TSPAN5: variants seen among roughly 807,000 people sequenced by gnomAD.
TSPAN5 encodes tetraspanin-5.
TSPAN5 carries 10 observed loss-of-function variants against 37.1 expected under a neutral mutation model. The ratio of observed to expected loss-of-function variants is 0.27; its 90% CI spans 0.17 to 0.46. The LOEUF (loss-of-function observed/expected upper bound fraction) is 0.46, where lower values mean the gene tolerates loss of function less well. Ranked by LOEUF, TSPAN5 falls within the 20% of genes least tolerant of loss-of-function variation. The pLI is 1.00. For missense variants in TSPAN5, 195 were observed against 326.6 expected, an observed-to-expected ratio of 0.60 and a Z score of 3.11; for synonymous variants, 110 against 118.9, an observed-to-expected ratio of 0.93 and a Z score of 0.48.
chr4:98,470,598 C>T lies in TSPAN5; in HGVS notation c.*1924G>A, dbSNP rs1478330982. 1.3e-5 allele frequency: 2 copies of T among 152,158 alleles called. No homozygotes were observed. The highest frequency in any genetic ancestry group is 2.9e-5 in the Non-Finnish European group (2 of 68,036). 9.4% of individuals were successfully genotyped at this position (152,158 alleles called of 1,614,324 possible). The stretch of plus-strand genomic sequence containing the variant: ...GACAAATGATGCCAACTGGAGAGAG[C>T]TCGTGTCTTCTCCATGTTGGAAGGA... On this transcript the variant is annotated 3_prime_UTR_variant, in exon 8 of 8. Coordinates refer to ENST00000305798, the MANE Select transcript of TSPAN5 (RefSeq NM_005723.4).
At chr4:98,549,292 G>GGTTTTTTTTTTTTTTT (rs1560532920) in intron 1 of TSPAN5, among the ~76,000 whole-genome samples, 1 of 147,114 alleles carries the variant, frequency 6.8e-6, no homozygotes. Context: ...TTGTTTGTTT[G>GGTTTTTTTTTTTTTTT]TTTGTTTTTG....
intron 2 of TSPAN5, among the ~76,000 whole-genome samples, chr4:98,492,735 C>T (rs1392064514): frequency 6.6e-6 from 1 of 152,190 alleles, no homozygotes; most frequent in Non-Finnish European, 1.5e-5. Context: ...TTCATGTTAA[C>T]TCACTATGAA....
intron 1 of TSPAN5, among the ~76,000 whole-genome samples, chr4:98,645,052 T>C (rs540041753): frequency 2.0e-4 from 30 of 152,352 alleles, no homozygotes; most frequent in African/African-American, 6.0e-4. Flanking sequence ...CCCTGGTGAC[T>C]TGGGGTACCA....
intron 1 of TSPAN5, among the ~76,000 whole-genome samples, chr4:98,583,971 C>T (rs1208609686): frequency 6.6e-6 from 1 of 152,022 alleles, no homozygotes; most frequent in Admixed American, 6.6e-5. Flanking sequence ...GTCCCTGGCT[C>T]CCCCTCCCTC....
intron 1 of TSPAN5, among the ~76,000 whole-genome samples, chr4:98,638,994 C>A (rs1756911639): frequency 6.6e-6 from 1 of 152,142 alleles, no homozygotes; most frequent in African/African-American, 2.4e-5. Flanking sequence ...CAGTCTTTGT[C>A]CCAGAAAGAG....
chr4:98,568,575 G>C (rs1402054890), intron 1 of TSPAN5, among the ~76,000 whole-genome samples: 1 of 151,510 alleles, frequency 6.6e-6, no homozygotes. Context: ...AAGAAAAGAA[G>C]TCTGGATCAC....
chr4:98,531,433 T>G (rs953536102), intron 1 of TSPAN5, among the ~76,000 whole-genome samples: 1 of 152,228 alleles, frequency 6.6e-6, no homozygotes, highest in Admixed American at 6.5e-5. Flanking sequence ...CATTCCATAG[T>G]GTATATGTGC....
At chr4:98,493,452 CCA>C (rs1312481110) in intron 2 of TSPAN5, among the ~76,000 whole-genome samples, 1 of 152,120 alleles carries the variant, frequency 6.6e-6, no homozygotes, top group Non-Finnish European at 1.5e-5. Flanking sequence ...GAGTAACGGG[CCA>C]CACACAGTTA....
intron 1 of TSPAN5, among the ~76,000 whole-genome samples, chr4:98,571,444 G>A (rs1424540632): frequency 7.8e-6 from 1 of 127,578 alleles, no homozygotes; most frequent in Non-Finnish European, 1.6e-5. Flanking sequence ...CCCACAAACC[G>A]TTCTGGCTTT....
chr4:98,584,411 C>T (rs1453462107), intron 1 of TSPAN5, among the ~76,000 whole-genome samples: 1 of 152,176 alleles, frequency 6.6e-6, no homozygotes, highest in Non-Finnish European at 1.5e-5. Flanking sequence ...TCAGAGATTG[C>T]GTACAATACT....
intron 1 of TSPAN5, among the ~76,000 whole-genome samples, chr4:98,528,565 C>A (rs1354013479): frequency 2.0e-5 from 3 of 152,052 alleles, no homozygotes. Context: ...AGCAAAAAAT[C>A]TAGAGGACAG....
At chr4:98,493,901 T>C (rs1245637137) in intron 2 of TSPAN5, among the ~76,000 whole-genome samples, 1 of 152,186 alleles carries the variant, frequency 6.6e-6, no homozygotes, top group Non-Finnish European at 1.5e-5. Flanking sequence ...ATTCAACAAA[T>C]TGGCCATTCT....
rs1204813183 is a variant in TSPAN5 at position 98,592,421 on chromosome 4, G to GTTTTTTT, written c.81+65724_81+65725insAAAAAAA. Among the ~76,000 whole-genome samples, 171 of 95,144 alleles carry GTTTTTTT rather than the reference G, an allele frequency of 1.8e-3. 1 individual carries two copies. Among genetic ancestry groups the GTTTTTTT allele is most frequent in the African/African-American group, 2.4e-3 (54 of 22,738 alleles). 62.4% of individuals were successfully genotyped at this position (95,144 alleles called of 152,430 possible). On this transcript the variant is annotated intron_variant, in intron 1 of 7. Transcript: ENST00000305798. ...TGGTTTACCTAACTAAGGGATCTCT[G>GTTTTTTT]TTTTTTGTTTTTTTTTTTTTTTTTT...
chr4:98,552,447 C>T (rs928763113), intron 1 of TSPAN5, among the ~76,000 whole-genome samples: 6 of 152,142 alleles, frequency 3.9e-5, no homozygotes, highest in Non-Finnish European at 8.8e-5. Flanking sequence ...TTTTAGTGAA[C>T]ACCCAGGAAG....
intron 1 of TSPAN5, among the ~76,000 whole-genome samples, chr4:98,625,828 A>C (rs1413390724): frequency 6.9e-6 from 1 of 145,260 alleles, no homozygotes; most frequent in South Asian, 2.4e-4. Flanking sequence ...CATCAAATAC[A>C]CATCTTCTCT....
chr4:98,533,832 G>T (rs1382742754), intron 1 of TSPAN5, among the ~76,000 whole-genome samples: 2 of 148,320 alleles, frequency 1.3e-5, no homozygotes, highest in Non-Finnish European at 3.0e-5. Flanking sequence ...TTACAGGTGT[G>T]AGCCACAGCA....
At chr4:98,633,856 G>C (rs1220539197) in intron 1 of TSPAN5, among the ~76,000 whole-genome samples, 1 of 152,124 alleles carries the variant, frequency 6.6e-6, no homozygotes, top group Non-Finnish European at 1.5e-5. Context: ...GAGACGGGAG[G>C]ATCACCTGAG....
chr4:98,646,364 A>C (rs1423012633), intron 1 of TSPAN5, among the ~76,000 whole-genome samples: 4 of 152,172 alleles, frequency 2.6e-5, no homozygotes, highest in African/African-American at 9.7e-5. Flanking sequence ...TTATGATACC[A>C]TAAAGAACTA....
At chr4:98,587,716 T>C (rs1337832589) in intron 1 of TSPAN5, among the ~76,000 whole-genome samples, 3 of 152,124 alleles carry the variant, frequency 2.0e-5, no homozygotes, top group Non-Finnish European at 4.4e-5. Context: ...GGTGAAACCC[T>C]GTCTCTACTA....
Sources: allele counts gnomAD v4.1 joint callset (sites outside exome capture counted in the v4.1 genomes callset), GRCh38; gene constraint gnomAD v4.1.1; transcripts MANE v1.5; gene names NCBI Gene and HGNC (gene_info 2026-07-23, HGNC 2026-07-21).